PPM1K: variants seen among roughly 807,000 people sequenced by gnomAD.
PPM1K encodes protein phosphatase, Mg2+/Mn2+ dependent 1K, also known as protein phosphatase Mn(2+)-dependent 1K.
PPM1K carries 19 observed loss-of-function variants against 32.6 expected under a neutral mutation model. The observed-to-expected ratio is 0.58, with a 90% CI of 0.41 to 0.86. The LOEUF is 0.86. PPM1K is among the 40% of genes least tolerant of loss of function. PPM1K has a pLI of 0.00. For missense variants in PPM1K, 362 were observed against 461.2 expected (o/e 0.78, Z 1.97); for synonymous variants, 159 against 165.3 (o/e 0.96, Z 0.29).
At position 88,278,276 on chromosome 4, in the gene PPM1K, T is replaced by C. The variant is rs375691738; in HGVS notation, c.308A>G (p.Lys103Arg). Residue 103 changes from lysine (K) to arginine (R), a missense_variant, in exon 2 of 7, where the codon AAA becomes AGA. Physicochemically the swap from Lys to Arg is conservative, Grantham distance 26. Coordinates refer to ENST00000608933, the MANE Select transcript of PPM1K (RefSeq NM_152542.5). The surrounding 1 kb of genome is among the most constrained non-coding windows in gnomAD (Gnocchi z 4.2). ...ENVGCASQIGKRKENEDRFDF... is the reference protein window; with the variant it reads ...ENVGCASQIGRRKENEDRFDF... Reference sequence around the variant, plus strand: ...AAACCGATCTTCATTCTCTTTCCGTTTGCCAATCTGTGAGGCGCACCCCAC... The same window carrying C: ...AAACCGATCTTCATTCTCTTTCCGTCTGCCAATCTGTGAGGCGCACCCCAC... The C allele has an allele frequency of 2.8e-5, 46 of 1,614,118 alleles. No homozygotes were observed. The highest frequency in any genetic ancestry group is 1.6e-4 in the Middle Eastern group (1 of 6,084).
In PPM1K at chr4:88,262,406, A is replaced by T; in HGVS notation, c.*189T>A. The T allele has an allele frequency of 1.8e-6, 1 of 549,940 alleles. No homozygotes were observed. The highest frequency in any genetic ancestry group is 3.1e-6 in the Non-Finnish European group (1 of 323,708). 34.1% of individuals were successfully genotyped at this position (549,940 alleles called of 1,614,324 possible). ...AAGACTCACAGTAGCTTCACTACAC[A>T]TATATTTATACTGAACATGTACAGC... On this transcript the variant is annotated 3_prime_UTR_variant, in exon 7 of 7. Coordinates refer to ENST00000608933, the MANE Select transcript of PPM1K (RefSeq NM_152542.5).
At position 88,261,114 on chromosome 4, in the gene PPM1K, T is replaced by C. The variant is rs1284659450; in HGVS notation, c.*1481A>G. On this transcript the variant is annotated 3_prime_UTR_variant, in exon 7 of 7. Transcript: ENST00000608933. ...TCACACATATAACAAATTTACATAG[T>C]TTGCAGAAATAAACTACGGAAATAA... 1 of 152,192 alleles carries C rather than the reference T, an allele frequency of 6.6e-6. No individual in the cohort carries two copies. The highest frequency in any genetic ancestry group is 2.4e-5 in the African/African-American group (1 of 41,446). The allele number at this position is 152,192 out of a possible 1,614,324, so 9.4% of individuals were successfully genotyped here. A position where few individuals can be genotyped will look rare whatever the true frequency, so the allele number is the denominator to read the frequency against.
Position 88,268,862 on chromosome 4 carries a change from G to A in PPM1K, c.586C>T (p.Arg196Ter), listed in dbSNP as rs748117308. The change falls in exon 4 of 7, where the codon CGA becomes TGA. Residue 196 changes from arginine (R) to a stop codon, truncating the protein, a stop_gained. Coordinates refer to ENST00000608933, the MANE Select transcript of PPM1K (RefSeq NM_152542.5). LOFTEE classifies it high-confidence loss of function. ...SGTTATVALL[R>*]DGIELVVASV... ...GCTACAACCAGTTCAATACCATCTC[G>A]CAATAGGGCTACTGTTGCAGTAGTC... 4 of 1,613,764 alleles carry A rather than the reference G, an allele frequency of 2.5e-6. No homozygotes were observed. Among genetic ancestry groups the A allele is most frequent in the African/African-American group, 1.3e-5 (1 of 74,964 alleles).
chr4:88,272,690 A>G (rs935528887), intron 3 of PPM1K, among the ~76,000 whole-genome samples: 2 of 152,232 alleles, frequency 1.3e-5, no homozygotes, highest in Non-Finnish European at 2.9e-5. Flanking sequence ...GCTACTGATA[A>G]CTAAGGACAG....
Position 88,278,324 on chromosome 4 carries a change from A to G in PPM1K, c.260T>C (p.Ile87Thr), listed in dbSNP as rs1294034846. The change falls in exon 2 of 7, where the codon ATT becomes ACT. Residue 87 changes from isoleucine to threonine, a missense_variant. By Grantham distance (89) the Ile-to-Thr change is moderately conservative. Coordinates refer to ENST00000608933, the MANE Select transcript of PPM1K (RefSeq NM_152542.5). The surrounding 1 kb of genome is among the most constrained non-coding windows in gnomAD (Gnocchi z 4.2). ...LPPSIKYGKP[I>T]PKISLENVGC... ...CACATTTTCCAAGCTGATTTTGGGA[A>G]TTGGCTTGCCATACTTAATGCTGGG... The G allele has an allele frequency of 1.2e-6, 2 of 1,614,184 alleles. No homozygotes were observed. Among genetic ancestry groups the G allele is most frequent in the East Asian group, 2.2e-5 (1 of 44,884 alleles).
intron 3 of PPM1K, among the ~76,000 whole-genome samples, chr4:88,270,590 G>A (rs946636775): frequency 1.3e-5 from 2 of 152,134 alleles, no homozygotes; most frequent in Admixed American, 6.5e-5. Flanking sequence ...AAGGGAACAC[G>A]GCATTTATTC....
In PPM1K at chr4:88,268,992, C is replaced by A. The variant is rs1256506225; in HGVS notation, c.542-86G>T. On this transcript the variant is annotated intron_variant, in intron 3 of 6. Transcript: ENST00000608933. ...TTTTTATTACAAAATAAAACACAAG[C>A]ATGATAAACTAATGCTGGAATATAT... 9 of 1,128,818 alleles carry A rather than the reference C, an allele frequency of 8.0e-6. No homozygotes were observed. The East Asian group carries it at 2.2e-4, about 27-fold the overall frequency. 69.9% of individuals were successfully genotyped at this position (1,128,818 alleles called of 1,614,324 possible). A position where few individuals can be genotyped will look rare whatever the true frequency, so the allele number is the denominator to read the frequency against.
chr4:88,279,855 T>G (rs7661312), intron 1 of PPM1K, among the ~76,000 whole-genome samples: 83,773 of 152,078 alleles, frequency 0.55, 24,374 homozygotes, highest in African/African-American at 0.75. Flanking sequence ...ATTCTCAATC[T>G]TATGTTTAAA....
At chr4:88,275,881 C>G (rs1403780016) in intron 3 of PPM1K, 1 of 985,232 alleles carries the variant, frequency 1.0e-6, no homozygotes, top group East Asian at 1.1e-4. Flanking sequence ...CTTCTGTCTT[C>G]TTAAAGGTAA....
intron 6 of PPM1K, among the ~76,000 whole-genome samples, chr4:88,264,601 T>C (rs1731237374): frequency 1.3e-5 from 2 of 152,242 alleles, no homozygotes; most frequent in Admixed American, 6.5e-5. Flanking sequence ...CCTCTGTACC[T>C]GTTTTCCTCA....
In PPM1K at chr4:88,265,076, C is replaced by T; in HGVS notation, c.912G>A (p.Val304=). ...CAAAGTCACAAATCTCTTGACTATT[C>T]ACCATGAAGTTAATTCCATCTGTGG... The part of the protein sequence containing the change: ...VLTTDGINFM[V]NSQEICDFVN... The change falls in exon 6 of 7, where the codon GTG becomes GTA. Residue 304 remains valine, a synonymous_variant. Coordinates refer to ENST00000608933, the MANE Select transcript of PPM1K (RefSeq NM_152542.5). 1.2e-6 allele frequency: 2 copies of T among 1,614,176 alleles called. No individual in the cohort carries two copies. The highest frequency in any genetic ancestry group is 2.2e-5 in the South Asian group (2 of 91,072).
rs1489239442 is a variant in PPM1K at position 88,259,626 on chromosome 4, T to A, written c.*2969A>T. The A allele has an allele frequency of 6.6e-6, 1 of 152,216 alleles. No individual in the cohort carries two copies. The highest frequency in any genetic ancestry group is 1.5e-5 in the Non-Finnish European group (1 of 68,042). The allele number at this position is 152,216 out of a possible 1,614,324, so 9.4% of individuals were successfully genotyped here. On this transcript the variant is annotated 3_prime_UTR_variant, in exon 7 of 7. Transcript: ENST00000608933. ...ATTTTCCAGTATCCTAATACATGCATACTTATCTTTTATAGATTATAATAA... is the reference window on the plus strand; with the variant it reads ...ATTTTCCAGTATCCTAATACATGCAAACTTATCTTTTATAGATTATAATAA...
At chr4:88,263,249 G>A (rs1191990121) in intron 6 of PPM1K, among the ~76,000 whole-genome samples, 14 of 151,550 alleles carry the variant, frequency 9.2e-5, no homozygotes, top group Non-Finnish European at 1.8e-4. Flanking sequence ...CACCAACAAA[G>A]AAAAAAGATA....
intron 3 of PPM1K, among the ~76,000 whole-genome samples, chr4:88,273,931 T>C (rs1457655169): frequency 1.3e-5 from 2 of 152,178 alleles, no homozygotes; most frequent in African/African-American, 4.8e-5. Flanking sequence ...CAACCAATCT[T>C]TCATGCCCTA....
At chr4:88,269,447 C>T (rs1291568729) in intron 3 of PPM1K, among the ~76,000 whole-genome samples, 1 of 152,178 alleles carries the variant, frequency 6.6e-6, no homozygotes, top group Non-Finnish European at 1.5e-5. Context: ...GCATATTCTA[C>T]CCCTGTATGC....
intron 3 of PPM1K, chr4:88,271,303 A>G: frequency 4.5e-6 from 1 of 220,732 alleles, no homozygotes; most frequent in Non-Finnish European, 9.3e-6. Flanking sequence ...AAATAAGGGA[A>G]GGGTTTTTTA....
intron 1 of PPM1K, among the ~76,000 whole-genome samples, chr4:88,282,154 G>A (rs796323047): frequency 1.1e-4 from 16 of 152,232 alleles, no homozygotes; most frequent in African/African-American, 3.6e-4. Context: ...TTTTTTGATC[G>A]GAAAACATGG....
Position 88,278,430 on chromosome 4 carries a change from G to C in PPM1K, c.154C>G (p.Pro52Ala). The part of the protein sequence containing the change: ...TSEPRCSRFD[P>A]DGSGSPATWD... Reference sequence around the variant, plus strand: ...GTAGCTGGACTCCCACTACCATCTGGGTCAAACCGAGAACACCTAGGCTCT... The same window carrying C: ...GTAGCTGGACTCCCACTACCATCTGCGTCAAACCGAGAACACCTAGGCTCT... The change falls in exon 2 of 7, where the codon CCA (proline) becomes GCA (alanine). Residue 52 changes from proline (P) to alanine (A), a missense_variant. Pro to Ala is a conservative substitution (Grantham distance 27). Transcript: ENST00000608933. This position sits in a 1 kb window ranked among gnomAD's most constrained non-coding sequence, Gnocchi z 4.2. The C allele has an allele frequency of 6.2e-7, 1 of 1,614,138 alleles. No homozygotes were observed. The highest frequency in any genetic ancestry group is 1.1e-5 in the South Asian group (1 of 91,072).
rs1040381688 is a variant in PPM1K at position 88,261,636 on chromosome 4, T to C, written c.*959A>G. On this transcript the variant is annotated 3_prime_UTR_variant, in exon 7 of 7. Coordinates refer to ENST00000608933, the MANE Select transcript of PPM1K (RefSeq NM_152542.5). Reference sequence around the variant, plus strand: ...CTGATGAGACAGCTGAAATACACATTTATAAATATGTATACAATTTAGTAA... The same window carrying C: ...CTGATGAGACAGCTGAAATACACATCTATAAATATGTATACAATTTAGTAA... 2 of 151,942 alleles carry C rather than the reference T, an allele frequency of 1.3e-5. No individual in the cohort carries two copies. Among genetic ancestry groups the C allele is most frequent in the Non-Finnish European group, 2.9e-5 (2 of 67,994 alleles). 9.4% of individuals were successfully genotyped at this position (151,942 alleles called of 1,614,324 possible).
Sources: gnomAD v4.1 joint callset for allele counts (sites outside exome capture counted in the v4.1 genomes callset) on GRCh38, gnomAD v4.1.1 for gene constraint, Gnocchi (gnomAD v3.1) non-coding constraint, MANE v1.5 for transcripts, NCBI Gene and HGNC (gene_info 2026-07-23, HGNC 2026-07-21) for gene names.